KCNQ3: variants seen among roughly 807,000 people sequenced by gnomAD.
KCNQ3 encodes potassium voltage-gated channel subfamily Q member 3.
A neutral mutation model predicts 92.5 loss-of-function variants in KCNQ3; 30 were observed. The observed-to-expected ratio is 0.32, with a 90% CI of 0.24 to 0.44. KCNQ3 has a LOEUF of 0.44. Ranked by LOEUF, KCNQ3 falls within the 20% of genes least tolerant of loss-of-function variation. The pLI, the probability that KCNQ3 is intolerant of heterozygous loss-of-function variation, is 1.00. For missense variants in KCNQ3, 913 were observed against 1,140.3 expected (o/e 0.80, Z 2.87); for synonymous variants, 450 against 468.8 (o/e 0.96, Z 0.52).
Position 132,271,142 on chromosome 8 carries a change from T to C in KCNQ3, c.387-84961A>G, listed in dbSNP as rs74738576. ...CCCCACTGCTGTCATGGAGCTCATG[T>C]TATTTCCATGAACCCCTTGGGAGTC... On this transcript the variant is annotated intron_variant, in intron 1 of 14. Coordinates refer to ENST00000388996, the MANE Select transcript of KCNQ3 (RefSeq NM_004519.4). 7.3e-3 allele frequency among the ~76,000 whole-genome samples: 1,114 copies of C among 152,348 alleles called. 10 individuals are homozygous for C. The highest frequency in any genetic ancestry group is 0.024 in the African/African-American group (993 of 41,588).
At chr8:132,283,345 A>C (rs1374445250) in intron 1 of KCNQ3, among the ~76,000 whole-genome samples, 1 of 152,226 alleles carries the variant, frequency 6.6e-6, no homozygotes. Flanking sequence ...TGCATGAAAA[A>C]GGAATACATT....
chr8:132,275,205 T>G (rs977004848), intron 1 of KCNQ3, among the ~76,000 whole-genome samples: 2 of 151,810 alleles, frequency 1.3e-5, no homozygotes, highest in African/African-American at 4.8e-5. Flanking sequence ...CAGATAGTAG[T>G]CACTCAATAA....
chr8:132,260,805 C>A (rs147728025), intron 1 of KCNQ3, among the ~76,000 whole-genome samples: 10 of 152,094 alleles, frequency 6.6e-5, no homozygotes, highest in Admixed American at 2.6e-4. Flanking sequence ...ATTAGTCCAT[C>A]CAATCCTCAG....
intron 1 of KCNQ3, among the ~76,000 whole-genome samples, chr8:132,273,747 A>G (rs1816238072): frequency 6.6e-6 from 1 of 152,174 alleles, no homozygotes; most frequent in Non-Finnish European, 1.5e-5. Context: ...GCTGCTTACA[A>G]ATTTCTTCTG....
At chr8:132,359,534 C>T (rs1432179715) in intron 1 of KCNQ3, among the ~76,000 whole-genome samples, 4 of 152,068 alleles carry the variant, frequency 2.6e-5, no homozygotes, top group African/African-American at 7.2e-5. Context: ...CTCTTGGACA[C>T]GGCTAGATTT....
At chr8:132,429,000 C>T (rs530717394) in intron 1 of KCNQ3, among the ~76,000 whole-genome samples, 5 of 152,324 alleles carry the variant, frequency 3.3e-5, no homozygotes, top group Admixed American at 6.5e-5. Flanking sequence ...TCCCGAAGGA[C>T]GGGATAGCCA....
At chr8:132,272,910 G>T (rs991204656) in intron 1 of KCNQ3, among the ~76,000 whole-genome samples, 1 of 152,084 alleles carries the variant, frequency 6.6e-6, no homozygotes, top group Non-Finnish European at 1.5e-5. Flanking sequence ...GTCCCCCAAA[G>T]TCTTAATTCA....
At chr8:132,413,506 C>T (rs910292786) in intron 1 of KCNQ3, among the ~76,000 whole-genome samples, 5 of 152,206 alleles carry the variant, frequency 3.3e-5, no homozygotes, top group African/African-American at 1.2e-4. Flanking sequence ...ACACACACCA[C>T]TTTGAGTTTC....
chr8:132,440,852 T>C (rs538074666), intron 1 of KCNQ3, among the ~76,000 whole-genome samples: 23 of 152,308 alleles, frequency 1.5e-4, no homozygotes, highest in African/African-American at 5.5e-4. Flanking sequence ...TCAAGTCCTA[T>C]TCAAAGGTGA....
intron 1 of KCNQ3, among the ~76,000 whole-genome samples, chr8:132,380,843 A>G (rs1819729382): frequency 6.6e-6 from 1 of 151,486 alleles, no homozygotes; most frequent in Non-Finnish European, 1.5e-5. Flanking sequence ...CCAGCCCCAG[A>G]GAAAGTCCCA....
rs1178954020 is a variant in KCNQ3 at position 132,447,243 on chromosome 8, G to A, written c.386+32904C>T. The stretch of plus-strand genomic sequence containing the variant: ...AGGCTTCATAAGGTAATGAATGCAA[G>A]AACAAGATTTTTAACAAGTGGTGGT... On this transcript the variant is annotated intron_variant, in intron 1 of 14. Transcript: ENST00000388996. 77 of 1,535,470 alleles carry A rather than the reference G, an allele frequency of 5.0e-5. 2 individuals are homozygous for A. Among genetic ancestry groups the A allele is most frequent in the Non-Finnish European group, 2.2e-5 (25 of 1,146,826 alleles).
At chr8:132,222,204 C>A (rs565209437) in intron 1 of KCNQ3, among the ~76,000 whole-genome samples, 63 of 152,278 alleles carry the variant, frequency 4.1e-4, no homozygotes, top group African/African-American at 1.3e-3. Context: ...ACAAAGAACT[C>A]ATCTTCATTT....
chr8:132,348,071 G>A (rs73343846), intron 1 of KCNQ3, among the ~76,000 whole-genome samples: 1 of 150,750 alleles, frequency 6.6e-6, no homozygotes, highest in Non-Finnish European at 1.5e-5. Flanking sequence ...GAGTTGGACA[G>A]TTCTCTGAGT....
chr8:132,354,801 T>C (rs1428673498), intron 1 of KCNQ3, among the ~76,000 whole-genome samples: 1 of 152,238 alleles, frequency 6.6e-6, no homozygotes, highest in African/African-American at 2.4e-5. Flanking sequence ...CCAGTCTCAT[T>C]TCCTGTACTG....
At chr8:132,328,123 C>A (rs564510654) in intron 1 of KCNQ3, among the ~76,000 whole-genome samples, 68 of 152,254 alleles carry the variant, frequency 4.5e-4, no homozygotes, top group African/African-American at 1.5e-3. Context: ...GGTACTGAAT[C>A]CAGATGGCTT....
chr8:132,470,203 T>C (rs945970117), intron 1 of KCNQ3, among the ~76,000 whole-genome samples: 2 of 152,174 alleles, frequency 1.3e-5, no homozygotes, highest in Non-Finnish European at 2.9e-5. Context: ...AGCCAACAGT[T>C]CTCAGCCTGG....
chr8:132,362,617 T>G (rs1303170419), intron 1 of KCNQ3, among the ~76,000 whole-genome samples: 1 of 152,204 alleles, frequency 6.6e-6, no homozygotes, highest in Non-Finnish European at 1.5e-5. Context: ...AAGGCTCTGC[T>G]GAACGGGAAG....
chr8:132,383,414 G>A (rs1424084286), intron 1 of KCNQ3, among the ~76,000 whole-genome samples: 1 of 152,228 alleles, frequency 6.6e-6, no homozygotes, highest in Non-Finnish European at 1.5e-5. Flanking sequence ...GGGATCTGGG[G>A]CTGGGGGAGG....
At chr8:132,249,989 G>A (rs931343016) in intron 1 of KCNQ3, among the ~76,000 whole-genome samples, 4 of 152,108 alleles carry the variant, frequency 2.6e-5, no homozygotes, top group Admixed American at 6.5e-5. Context: ...CGGAACTTGC[G>A]CTGGCCCACG....
Sources: allele counts gnomAD v4.1 joint callset (sites outside exome capture counted in the v4.1 genomes callset), GRCh38; gene constraint gnomAD v4.1.1; transcripts MANE v1.5; gene names NCBI Gene and HGNC (gene_info 2026-07-23, HGNC 2026-07-21).